PTPRN2: variants seen among roughly 807,000 people sequenced by gnomAD.
PTPRN2 encodes the protein protein tyrosine phosphatase receptor type N2.
A neutral mutation model predicts 118.8 loss-of-function variants in PTPRN2; 74 were observed. The observed-to-expected ratio is 0.62, with a 90% confidence interval of 0.52 to 0.76. PTPRN2 has a LOEUF of 0.76. Among genes scored for constraint, PTPRN2 ranks in the 30% least tolerant of loss-of-function variants. The pLI is 0.00. For missense variants in PTPRN2, 1,481 were observed against 1,394.4 expected (o/e 1.06, Z -0.99); for synonymous variants, 641 against 608.0 (o/e 1.05, Z -0.80).
chr7:157,942,179 G>A (rs1346337473), intron 11 of PTPRN2, among the ~76,000 whole-genome samples: 1,150 of 35,278 alleles, frequency 0.033, 23 homozygotes, highest in Middle Eastern at 0.033. Flanking sequence ...AGGGGTCCTC[G>A]GCCCACCCTC....
intron 3 of PTPRN2, among the ~76,000 whole-genome samples, chr7:158,282,027 C>A (rs1323860109): frequency 6.6e-6 from 1 of 152,166 alleles, no homozygotes; most frequent in Non-Finnish European, 1.5e-5. Context: ...GACCTGGCCT[C>A]CTGTCTAGGG....
intron 2 of PTPRN2, among the ~76,000 whole-genome samples, chr7:158,415,544 A>C (rs1156576650): frequency 6.6e-6 from 1 of 152,028 alleles, no homozygotes; most frequent in Non-Finnish European, 1.5e-5. Flanking sequence ...TTATCTGAGC[A>C]CTCCCAGCTA....
chr7:158,355,927 C>A (rs990576023), intron 2 of PTPRN2, among the ~76,000 whole-genome samples: 1 of 152,204 alleles, frequency 6.6e-6, no homozygotes, highest in Non-Finnish European at 1.5e-5. Flanking sequence ...TGCTTATCTG[C>A]CCTCGAAACA....
intron 12 of PTPRN2, among the ~76,000 whole-genome samples, chr7:157,892,765 C>T (rs1001198777): frequency 3.3e-5 from 5 of 152,236 alleles, no homozygotes; most frequent in Admixed American, 6.5e-5. Context: ...CTCCCATTTT[C>T]ACCACTGCAA....
chr7:157,675,432 G>A (rs1326320971), intron 13 of PTPRN2, among the ~76,000 whole-genome samples: 3 of 152,326 alleles, frequency 2.0e-5, no homozygotes, highest in South Asian at 2.1e-4. Flanking sequence ...TCACCCGGGC[G>A]CCTTCTCCGA....
chr7:158,161,917 A>C (rs1267916921), intron 6 of PTPRN2, among the ~76,000 whole-genome samples: 1 of 152,242 alleles, frequency 6.6e-6, no homozygotes, highest in Non-Finnish European at 1.5e-5. Context: ...TAATTAAAAC[A>C]TGGCCCAGAG....
chr7:158,196,573 T>C (rs930185686), intron 4 of PTPRN2, among the ~76,000 whole-genome samples: 2 of 113,408 alleles, frequency 1.8e-5, no homozygotes, highest in African/African-American at 9.0e-5. Flanking sequence ...GTCTCTTCAC[T>C]TCCCCATGAG....
intron 2 of PTPRN2, among the ~76,000 whole-genome samples, chr7:158,331,000 A>G (rs371710978): frequency 1.2e-3 from 83 of 71,786 alleles, no homozygotes; most frequent in East Asian, 1.8e-3. Flanking sequence ...AAGAGCTGAC[A>G]CCCGCAGACG....
chr7:158,440,254 C>A (rs1374243725), intron 2 of PTPRN2, among the ~76,000 whole-genome samples: 1 of 152,224 alleles, frequency 6.6e-6, no homozygotes, highest in East Asian at 1.9e-4. Context: ...ACCAAATGCT[C>A]CAGGTCCAGC....
chr7:158,153,194 G>T (rs1396907778), intron 6 of PTPRN2, among the ~76,000 whole-genome samples: 1 of 152,210 alleles, frequency 6.6e-6, no homozygotes, highest in Non-Finnish European at 1.5e-5. Flanking sequence ...GACTCCAGGG[G>T]AAAATCATCT....
chr7:158,274,653 C>T (rs1279246362), intron 3 of PTPRN2, among the ~76,000 whole-genome samples: 4 of 152,268 alleles, frequency 2.6e-5, no homozygotes, highest in Admixed American at 1.3e-4. Flanking sequence ...GGAGGGGCCG[C>T]GTGGCTTCCT....
chr7:158,151,003 G>A (rs1190982002), intron 6 of PTPRN2, among the ~76,000 whole-genome samples: 2 of 149,526 alleles, frequency 1.3e-5, no homozygotes, highest in Middle Eastern at 6.9e-3. Context: ...ACCTCATGCT[G>A]CCTCCTATGC....
chr7:157,947,486 G>C (rs1018904651), intron 11 of PTPRN2, among the ~76,000 whole-genome samples: 1 of 152,182 alleles, frequency 6.6e-6, no homozygotes, highest in Non-Finnish European at 1.5e-5. Context: ...GTGAGATGTG[G>C]TGGTACCAGG....
chr7:158,272,512 G>A (rs1398400768), intron 3 of PTPRN2, among the ~76,000 whole-genome samples: 2 of 151,984 alleles, frequency 1.3e-5, no homozygotes, highest in African/African-American at 4.8e-5. Context: ...AGAAAATACA[G>A]TCTGCATGGA....
chr7:158,520,004 G>A (rs1823866674), intron 1 of PTPRN2, among the ~76,000 whole-genome samples: 2 of 152,324 alleles, frequency 1.3e-5, no homozygotes, highest in Non-Finnish European at 2.9e-5. Flanking sequence ...ATGTGCCATG[G>A]GAAACATTTC....
intron 2 of PTPRN2, among the ~76,000 whole-genome samples, chr7:158,472,689 G>A (rs968873354): frequency 1.3e-5 from 2 of 152,126 alleles, no homozygotes; most frequent in Non-Finnish European, 1.5e-5. Context: ...TCTTAACACA[G>A]ACCCCACCTC....
At chr7:158,136,797 G>T in intron 7 of PTPRN2, 102 bp from the exon 8 acceptor site, 1 of 1,094,936 alleles carries the variant, frequency 9.1e-7, no homozygotes, top group Non-Finnish European at 1.4e-6. Flanking sequence ...CATACGAAAG[G>T]TGAGGTGTGA....
intron 2 of PTPRN2, among the ~76,000 whole-genome samples, chr7:158,327,127 A>G (rs988676258): frequency 1.4e-4 from 14 of 101,984 alleles, no homozygotes; most frequent in African/African-American, 4.7e-4. Flanking sequence ...ACAAGCACAC[A>G]CATACACACT....
At chr7:158,121,727 G>C (rs1449662933) in intron 9 of PTPRN2, among the ~76,000 whole-genome samples, 1 of 152,198 alleles carries the variant, frequency 6.6e-6, no homozygotes, top group South Asian at 2.1e-4. Flanking sequence ...CCCAGAATGT[G>C]TTTGTGAACC....
Sources: gnomAD v4.1 joint callset for allele counts (sites outside exome capture counted in the v4.1 genomes callset) on GRCh38, gnomAD v4.1.1 for gene constraint, MANE v1.5 for transcripts, NCBI Gene and HGNC (gene_info 2026-07-23, HGNC 2026-07-21) for gene names.